The following PLXNA4 variants were observed in gnomAD, a reference collection of about 807,000 sequenced individuals.
The protein encoded by PLXNA4 is plexin A4, also known as plexin-A4.
In PLXNA4, 44 loss-of-function variants were observed where a neutral mutation model predicts 191.8. That is an observed-to-expected ratio of 0.23 (90% confidence interval 0.18 to 0.29). PLXNA4 has a LOEUF of 0.29. PLXNA4 is among the 10% of genes least tolerant of loss of function. The pLI is 1.00. For synonymous variants in PLXNA4, 1,082 were observed against 1,009.5 expected (o/e 1.07, Z -1.36); for missense variants, 1,800 against 2,488.8 (o/e 0.72, Z 5.89).
At chr7:132,215,401 C>T (rs1289714787) in intron 9 of PLXNA4, among the ~76,000 whole-genome samples, 1 of 152,210 alleles carries the variant, frequency 6.6e-6, no homozygotes, top group Non-Finnish European at 1.5e-5. Context: ...ATTGTGTAGT[C>T]CCTGGAATAT....
At chr7:132,562,986 C>T (rs1365037420) in intron 1 of PLXNA4, among the ~76,000 whole-genome samples, 2 of 33,032 alleles carry the variant, frequency 6.1e-5, no homozygotes, top group Non-Finnish European at 6.0e-5. Flanking sequence ...CCTCCTCCTT[C>T]TCCTCCTCCT....
chr7:132,513,646 GTT>G (rs1798823254), intron 1 of PLXNA4, among the ~76,000 whole-genome samples: 1 of 94,614 alleles, frequency 1.1e-5, no homozygotes, highest in Non-Finnish European at 2.3e-5. Context: ...AGTCACAGGT[GTT>G]TTTTGTTTTA....
intron 3 of PLXNA4, among the ~76,000 whole-genome samples, chr7:132,489,084 G>A (rs1308057872): frequency 6.6e-6 from 1 of 152,176 alleles, no homozygotes; most frequent in African/African-American, 2.4e-5. Context: ...GGGAGGAGGT[G>A]AATCCACACA....
chr7:132,153,308 A>G (rs543866239), intron 25 of PLXNA4, among the ~76,000 whole-genome samples: 3 of 152,234 alleles, frequency 2.0e-5, no homozygotes, highest in Admixed American at 1.3e-4. Flanking sequence ...AGCTAAGTTA[A>G]GAAAGATCCA....
chr7:132,156,628 T>A (rs763586190), intron 25 of PLXNA4, among the ~76,000 whole-genome samples: 21 of 152,352 alleles, frequency 1.4e-4, no homozygotes, highest in Non-Finnish European at 2.6e-4. Flanking sequence ...TGCTGTGCTG[T>A]CTTGGTCCTG....
chr7:132,156,427 G>T (rs1386350609), intron 25 of PLXNA4, among the ~76,000 whole-genome samples: 1 of 152,190 alleles, frequency 6.6e-6, no homozygotes, highest in Non-Finnish European at 1.5e-5. Context: ...AGCCGGGAGG[G>T]TTGGGCTGGA....
Position 132,489,394 on chromosome 7 carries a change from G to C in PLXNA4, c.1269C>G (p.Pro423=), listed in dbSNP as rs114402425. 6.2e-7 allele frequency: 1 copy of C among 1,606,254 alleles called. No individual in the cohort carries two copies. Among genetic ancestry groups the C allele is most frequent in the Non-Finnish European group, 8.5e-7 (1 of 1,173,372 alleles). ...LGVSDMVRGI[P]VFTEDRDRMT... ...TGCGGTCCCTGTCCTCCGTGAAGAC[G>C]GGAATTCCACGCACCATGTCGGACA... Residue 423 remains proline, a synonymous_variant, in exon 3 of 32, where the codon CCC becomes CCG. Coordinates refer to ENST00000321063, the MANE Select transcript of PLXNA4 (RefSeq NM_020911.2).
At chr7:132,310,409 G>A (rs1479726818) in intron 3 of PLXNA4, among the ~76,000 whole-genome samples, 1 of 152,182 alleles carries the variant, frequency 6.6e-6, no homozygotes, top group Non-Finnish European at 1.5e-5. Flanking sequence ...GGCAGCTCTG[G>A]GAACACCAGT....
rs994004942 is a variant in PLXNA4 at position 132,340,704 on chromosome 7, G to A, written c.1372-42482C>T. ...TCCTGCAAGTCCAGTTTTCTGCCTA[G>A]GTTGTTTCTCATGCCCAGGCTAGAG... On this transcript the variant is annotated intron_variant, in intron 3 of 31. Transcript: ENST00000321063. Among the ~76,000 whole-genome samples the A allele has an allele frequency of 8.5e-5, 13 of 152,298 alleles. No individual in the cohort carries two copies. The East Asian group carries it at 1.2e-3, about 14-fold the overall frequency.
chr7:132,481,754 T>C (rs1797346127), intron 3 of PLXNA4, among the ~76,000 whole-genome samples: 1 of 152,198 alleles, frequency 6.6e-6, no homozygotes, highest in Non-Finnish European at 1.5e-5. Context: ...TCTCGGCAGC[T>C]ACTGATTCAA....
chr7:132,218,518 C>G (rs188243535), intron 9 of PLXNA4, among the ~76,000 whole-genome samples: 183 of 152,334 alleles, frequency 1.2e-3, no homozygotes, highest in Non-Finnish European at 2.3e-3. Flanking sequence ...GAAAAAACAG[C>G]AAAATAGTCC....
At chr7:132,254,134 C>G (rs1398810825) in intron 4 of PLXNA4, among the ~76,000 whole-genome samples, 1 of 152,150 alleles carries the variant, frequency 6.6e-6, no homozygotes, top group African/African-American at 2.4e-5. Context: ...GAAAAATCTC[C>G]AGGAGTGTCA....
intron 3 of PLXNA4, among the ~76,000 whole-genome samples, chr7:132,410,100 TCA>T (rs960444850): frequency 6.6e-6 from 1 of 152,198 alleles, no homozygotes; most frequent in Non-Finnish European, 1.5e-5. Flanking sequence ...GCTTGGATCC[TCA>T]CACTCTCCCT....
chr7:132,418,536 G>A lies in PLXNA4; in HGVS notation c.1371+70756C>T, dbSNP rs551873068. On this transcript the variant is annotated intron_variant, in intron 3 of 31. Coordinates refer to ENST00000321063, the MANE Select transcript of PLXNA4 (RefSeq NM_020911.2). ...GTGTGGAGGGATGCCTATTGTTAAT[G>A]TCTTTGAGAACATGAAGCTTGGCTA... 2.4e-4 allele frequency among the ~76,000 whole-genome samples: 37 copies of A among 152,320 alleles called. No individual in the cohort carries two copies. The South Asian group carries it at 7.1e-3, about 29-fold the overall frequency.
At chr7:132,328,961 G>T (rs902399219) in intron 3 of PLXNA4, among the ~76,000 whole-genome samples, 3 of 152,186 alleles carry the variant, frequency 2.0e-5, no homozygotes, top group Admixed American at 6.5e-5. Context: ...TGGGGAAGCT[G>T]GGTTTGCTTG....
chr7:132,198,518 C>G lies in PLXNA4; in HGVS notation c.2705G>C (p.Ser902Thr), dbSNP rs926075483. The G allele has an allele frequency of 6.2e-7, 1 of 1,614,212 alleles. No individual in the cohort carries two copies. The highest frequency in any genetic ancestry group is 8.5e-7 in the Non-Finnish European group (1 of 1,180,028). The stretch of plus-strand genomic sequence containing the variant: ...AGGGATGTAACCATCCACTAAAGGG[C>G]TGCACTCCACGCCAGCAACCTTGAC... ...SHVKVAGVEC[S>T]PLVDGYIPAE... Residue 902 changes from serine to threonine, a missense_variant, in exon 13 of 32, where the codon AGC (serine) becomes ACC (threonine). By Grantham distance (58) the Ser-to-Thr change is moderately conservative (BLOSUM62 1). Transcript: ENST00000321063.
chr7:132,486,789 T>C (rs1186443851), intron 3 of PLXNA4, among the ~76,000 whole-genome samples: 3 of 152,252 alleles, frequency 2.0e-5, no homozygotes, highest in African/African-American at 7.2e-5. Flanking sequence ...CCCCAGCCTC[T>C]TGGTGGGGTA....
At chr7:132,430,527 G>A (rs550135153) in intron 3 of PLXNA4, among the ~76,000 whole-genome samples, 17 of 152,198 alleles carry the variant, frequency 1.1e-4, no homozygotes, top group South Asian at 4.2e-4. Flanking sequence ...AAGATGAGTC[G>A]GATTAGGGTA....
At chr7:132,288,679 C>T (rs1201284483) in intron 4 of PLXNA4, among the ~76,000 whole-genome samples, 4 of 152,154 alleles carry the variant, frequency 2.6e-5, no homozygotes, top group South Asian at 2.1e-4. Context: ...GTGTACAGCT[C>T]GGCCCCCACA....
Sources: allele counts gnomAD v4.1 joint callset (sites outside exome capture counted in the v4.1 genomes callset), GRCh38; gene constraint gnomAD v4.1.1; transcripts MANE v1.5; gene names NCBI Gene and HGNC (gene_info 2026-07-23, HGNC 2026-07-21).